Variants in SCHIP1 observed in about 807,000 individuals in gnomAD.
SCHIP1 encodes the protein schwannomin-interacting protein 1.
SCHIP1 carries 8 observed loss-of-function variants against 29.7 expected under a neutral mutation model. That is an observed-to-expected ratio of 0.27 (90% CI 0.16 to 0.49). The LOEUF is 0.49. Ranked by LOEUF, SCHIP1 falls within the 20% of genes least tolerant of loss-of-function variation. SCHIP1 has a pLI of 0.99. For missense variants in SCHIP1, 193 were observed against 294.6 expected (o/e 0.66, Z 2.52); for synonymous variants, 76 against 94.9 (o/e 0.80, Z 1.16).
At chr3:159,561,360 A>G in the SCHIP1 span, among the ~76,000 whole-genome samples, 3 of 152,234 alleles carry the variant, frequency 2.0e-5, no homozygotes, top group Non-Finnish European at 2.9e-5. Context: ...ATCAACAGGT[A>G]AAATAAAAGC....
At chr3:159,471,572 A>G in the SCHIP1 span, among the ~76,000 whole-genome samples, 1 of 152,138 alleles carries the variant, frequency 6.6e-6, no homozygotes, top group African/African-American at 2.4e-5. Context: ...CCAACCATCT[A>G]AAATATACAT....
the SCHIP1 span, among the ~76,000 whole-genome samples, chr3:159,740,259 G>C: frequency 6.6e-6 from 1 of 152,242 alleles, no homozygotes; most frequent in Non-Finnish European, 1.5e-5. Context: ...GGCGAGAAAA[G>C]AGTGGGGAGG....
At chr3:159,507,157 T>C in the SCHIP1 span, among the ~76,000 whole-genome samples, 1 of 152,212 alleles carries the variant, frequency 6.6e-6, no homozygotes, top group South Asian at 2.1e-4. Flanking sequence ...CAGTAGTTTG[T>C]AGTTTTCCTT....
At chr3:159,740,181 C>T in the SCHIP1 span, among the ~76,000 whole-genome samples, 3 of 152,224 alleles carry the variant, frequency 2.0e-5, no homozygotes, top group African/African-American at 4.8e-5. Context: ...TGTCAGTTCA[C>T]TTGGAGAACA....
the SCHIP1 span, among the ~76,000 whole-genome samples, chr3:159,698,216 G>A: frequency 1.4e-4 from 22 of 152,056 alleles, no homozygotes; most frequent in African/African-American, 5.1e-4. Context: ...TTTAAATGTG[G>A]GAATACATTC....
the SCHIP1 span, among the ~76,000 whole-genome samples, chr3:159,383,045 C>T: frequency 6.7e-6 from 1 of 149,800 alleles, no homozygotes; most frequent in Non-Finnish European, 1.5e-5. Flanking sequence ...AATTTTCTCC[C>T]ATTTTGTAGG....
chr3:159,451,412 T>A, the SCHIP1 span, among the ~76,000 whole-genome samples: 26 of 152,354 alleles, frequency 1.7e-4, no homozygotes, highest in Admixed American at 3.3e-4. Context: ...TATTTCTTTT[T>A]AACAGCACAC....
At chr3:159,514,990 G>C in the SCHIP1 span, among the ~76,000 whole-genome samples, 2 of 151,948 alleles carry the variant, frequency 1.3e-5, no homozygotes, top group Non-Finnish European at 2.9e-5. Context: ...TCACAGCCAC[G>C]TATCCTTATA....
At chr3:159,366,838 T>C in the SCHIP1 span, among the ~76,000 whole-genome samples, 2 of 151,896 alleles carry the variant, frequency 1.3e-5, no homozygotes, top group Non-Finnish European at 2.9e-5. Flanking sequence ...GAAAAAAGAG[T>C]CTACATCACA....
chr3:159,818,286 A>G, the SCHIP1 span, among the ~76,000 whole-genome samples: 1 of 152,236 alleles, frequency 6.6e-6, no homozygotes, highest in African/African-American at 2.4e-5. Context: ...AAAGTGGTTG[A>G]AAAGCTGTAA....
chr3:159,294,371 C>T, the SCHIP1 span, among the ~76,000 whole-genome samples: 23,590 of 152,076 alleles, frequency 0.16, 2,127 homozygotes, highest in Middle Eastern at 0.27. Flanking sequence ...TCTCAATAAG[C>T]TCTCACAAGC....
At chr3:159,502,026 C>G in the SCHIP1 span, among the ~76,000 whole-genome samples, 2 of 152,156 alleles carry the variant, frequency 1.3e-5, no homozygotes, top group East Asian at 3.9e-4. Context: ...GAATCTTCCA[C>G]TAGTTAGTTC....
the SCHIP1 span, among the ~76,000 whole-genome samples, chr3:159,521,125 C>T: frequency 6.6e-6 from 1 of 152,300 alleles, no homozygotes; most frequent in Admixed American, 6.5e-5. Flanking sequence ...CCTGTTTCCC[C>T]ACCTTCTTAG....
chr3:159,764,317 T>C, the SCHIP1 span: 3 of 1,188,900 alleles, frequency 2.5e-6, no homozygotes, highest in South Asian at 1.9e-5. The surrounding 1 kb of genome is among the most constrained non-coding windows in gnomAD (Gnocchi z 6.1). Context: ...CCAGGCCTCC[T>C]TGGGGGACGC....
chr3:159,885,307 G>A (rs1440065574), intron 2 of SCHIP1, among the ~76,000 whole-genome samples: 1 of 152,178 alleles, frequency 6.6e-6, no homozygotes, highest in East Asian at 1.9e-4. Context: ...CACAGAGACT[G>A]GGGCTACTAG....
chr3:159,598,871 G>C, the SCHIP1 span, among the ~76,000 whole-genome samples: 2 of 152,134 alleles, frequency 1.3e-5, no homozygotes, highest in South Asian at 4.1e-4. Flanking sequence ...GAATCTGGAT[G>C]CTCCAGTGTT....
chr3:159,404,912 T>C, the SCHIP1 span, among the ~76,000 whole-genome samples: 1 of 152,152 alleles, frequency 6.6e-6, no homozygotes, highest in Non-Finnish European at 1.5e-5. Flanking sequence ...GTGTCACTCC[T>C]CCCTCACCTC....
the SCHIP1 span, among the ~76,000 whole-genome samples, chr3:159,473,722 C>T: frequency 3.7e-5 from 3 of 82,146 alleles, no homozygotes. Flanking sequence ...TAAAAGAAAA[C>T]AACCAAAACA....
At chr3:159,563,415 G>A in the SCHIP1 span, among the ~76,000 whole-genome samples, 2 of 151,818 alleles carry the variant, frequency 1.3e-5, no homozygotes, top group Non-Finnish European at 2.9e-5. Context: ...ATAACCTATA[G>A]TTATATTTAT....
Sources: allele counts gnomAD v4.1 joint callset (sites outside exome capture counted in the v4.1 genomes callset), GRCh38; gene constraint gnomAD v4.1.1; non-coding constraint Gnocchi (gnomAD v3.1); transcripts MANE v1.5; gene names NCBI Gene and HGNC (gene_info 2026-07-23, HGNC 2026-07-21).